NEXMIF: variants seen among roughly 807,000 people sequenced by gnomAD.
The protein encoded by NEXMIF is neurite extension and migration factor.
A neutral mutation model predicts 62.1 loss-of-function variants in NEXMIF; 8 were observed. That is an observed-to-expected ratio of 0.13 (90% CI 0.08 to 0.23). The LOEUF (loss-of-function observed/expected upper bound fraction) is 0.23, where lower values mean the gene tolerates loss of function less well. NEXMIF is among the 10% of genes least tolerant of loss of function. NEXMIF has a pLI of 1.00. For missense variants in NEXMIF, 976 were observed against 1,113.3 expected (o/e 0.88, Z 1.75); for synonymous variants, 404 against 416.6 (o/e 0.97, Z 0.37).
At chrX:74,799,689 G>A (rs750873536) in intron 1 of NEXMIF, among the ~76,000 whole-genome samples, 10 of 110,990 alleles carry the variant, frequency 9.0e-5, no homozygotes, top group East Asian at 5.7e-4. Context: ...GGAGTGCACC[G>A]GCACGATCAC....
chrX:74,871,307 G>T (rs1341280394), intron 1 of NEXMIF, among the ~76,000 whole-genome samples: 1 of 111,328 alleles, frequency 9.0e-6, no homozygotes, highest in Non-Finnish European at 1.9e-5. Context: ...GATTTTGAAA[G>T]GGGAGGGGGT....
At position 74,877,488 on chromosome X, in the gene NEXMIF, G is replaced by C. The variant is rs770057866; in HGVS notation, c.-48+47395C>G. On this transcript the variant is annotated intron_variant, in intron 1 of 3. Transcript: ENST00000055682. ...TGTGTCTTGGAGTTGCTCTTCTCGA[G>C]GAGTATCTCTGGGGCGTTCTCTGTA... Among the ~76,000 whole-genome samples the C allele has an allele frequency of 1.2e-3, 137 of 110,933 alleles. 2 individuals are homozygous for C. Among genetic ancestry groups the C allele is most frequent in the African/African-American group, 4.0e-3 (123 of 30,503 alleles).
intron 1 of NEXMIF, among the ~76,000 whole-genome samples, chrX:74,871,138 G>A (rs771780384): frequency 9.0e-6 from 1 of 111,641 alleles, no homozygotes; most frequent in Non-Finnish European, 1.9e-5. Context: ...TTTCAATGTA[G>A]GTTCTTTTCT....
At chrX:74,880,769 A>G (rs966276004) in intron 1 of NEXMIF, among the ~76,000 whole-genome samples, 1 of 112,182 alleles carries the variant, frequency 8.9e-6, no homozygotes, top group African/African-American at 3.2e-5. Flanking sequence ...ACAAAACTGC[A>G]AACACATACC....
chrX:74,758,341 A>G (rs1209814266), intron 1 of NEXMIF, among the ~76,000 whole-genome samples: 1 of 111,883 alleles, frequency 8.9e-6, no homozygotes, highest in Non-Finnish European at 1.9e-5. Flanking sequence ...ATAAACTTTG[A>G]TAAGTGATAT....
At chrX:74,872,604 G>A (rs1192031262) in intron 1 of NEXMIF, among the ~76,000 whole-genome samples, 3 of 108,765 alleles carry the variant, frequency 2.8e-5, no homozygotes, top group South Asian at 4.0e-4. Context: ...AGTAAATTAT[G>A]TTTTACTACA....
intron 1 of NEXMIF, among the ~76,000 whole-genome samples, chrX:74,801,986 G>T (rs1464916531): frequency 8.9e-6 from 1 of 112,167 alleles, no homozygotes; most frequent in Non-Finnish European, 1.9e-5. Flanking sequence ...CTGTGGAAAT[G>T]GGAGGGAAGA....
intron 1 of NEXMIF, among the ~76,000 whole-genome samples, chrX:74,881,658 T>C (rs1468181049): frequency 8.9e-6 from 1 of 112,364 alleles, no homozygotes; most frequent in Non-Finnish European, 1.9e-5. Context: ...CACTTGTGAC[T>C]AAAAATGTCT....
intron 1 of NEXMIF, among the ~76,000 whole-genome samples, chrX:74,828,810 G>A (rs2080426666): frequency 9.0e-6 from 1 of 111,558 alleles, no homozygotes; most frequent in Non-Finnish European, 1.9e-5. Flanking sequence ...TTTCACTACA[G>A]CCTCTGAAAT....
rs1434889701 is a variant in NEXMIF, at chrX:74,741,639, T to C, written c.2918A>G (p.Glu973Gly). 8.3e-7 allele frequency: 1 copy of C among 1,209,939 alleles called. No homozygotes were observed. The highest frequency in any genetic ancestry group is 1.7e-5 in the African/African-American group (1 of 57,241). ...SYQLCHFNNG[E>G]ICFPFQQGPV... The stretch of plus-strand genomic sequence containing the variant: ...CCCCTGCTGGAAAGGAAAGCAGATC[T>C]CTCCATTATTAAAGTGACATAATTG... The change falls in exon 3 of 4, where the codon GAG becomes GGG. Residue 973 changes from glutamate to glycine, a missense_variant. By Grantham distance (98) the Glu-to-Gly change is moderately conservative. Coordinates refer to ENST00000055682, the MANE Select transcript of NEXMIF (RefSeq NM_001008537.3).
chrX:74,870,045 A>T (rs1267008183), intron 1 of NEXMIF, among the ~76,000 whole-genome samples: 1 of 111,637 alleles, frequency 9.0e-6, no homozygotes, highest in Non-Finnish European at 1.9e-5. Context: ...ATCTGAAGGA[A>T]TCACATTATA....
At chrX:74,803,921 A>G (rs2080337667) in intron 1 of NEXMIF, among the ~76,000 whole-genome samples, 1 of 112,023 alleles carries the variant, frequency 8.9e-6, no homozygotes, top group Non-Finnish European at 1.9e-5. Flanking sequence ...GGAGTACTTC[A>G]ATCAGAAAGA....
intron 1 of NEXMIF, among the ~76,000 whole-genome samples, chrX:74,876,082 T>C (rs771049518): frequency 9.0e-6 from 1 of 111,154 alleles, no homozygotes; most frequent in East Asian, 2.8e-4. Flanking sequence ...TTTGTGATGT[T>C]AGGGTGTCAA....
intron 1 of NEXMIF, among the ~76,000 whole-genome samples, chrX:74,854,317 G>A (rs2080526436): frequency 8.9e-6 from 1 of 111,977 alleles, no homozygotes; most frequent in South Asian, 3.7e-4. Context: ...CAGAATGACG[G>A]ACAACAATAA....
chrX:74,797,613 TCTAA>T (rs754197842), intron 1 of NEXMIF, among the ~76,000 whole-genome samples: 1,131 of 112,122 alleles, frequency 0.01, 14 homozygotes, highest in African/African-American at 0.035. Flanking sequence ...GTAACCATTA[TCTAA>T]CTGTGTGACC....
chrX:74,855,365 G>A (rs566828672), intron 1 of NEXMIF, among the ~76,000 whole-genome samples: 2 of 112,179 alleles, frequency 1.8e-5, no homozygotes, highest in African/African-American at 6.5e-5. Flanking sequence ...TTCATATGTA[G>A]AAGAAGGAAA....
rs185270098 is a variant in NEXMIF at position 74,788,484 on chromosome X, A to C, written c.-47-42787T>G. Among the ~76,000 whole-genome samples, 381 of 111,239 alleles carry C rather than the reference A, an allele frequency of 3.4e-3. 2 individuals carry two copies. Among genetic ancestry groups the C allele is most frequent in the African/African-American group, 0.012 (364 of 30,661 alleles). ...ATGGGCAGGTATTATCCTTATTTTA[A>C]AGATGATGAATATGAGGCCAAGAGA... is the stretch of plus-strand genomic sequence containing the variant. On this transcript the variant is annotated intron_variant, in intron 1 of 3. Coordinates refer to ENST00000055682, the MANE Select transcript of NEXMIF (RefSeq NM_001008537.3).
At chrX:74,899,493 A>G (rs962405375) in intron 1 of NEXMIF, among the ~76,000 whole-genome samples, 3 of 112,299 alleles carry the variant, frequency 2.7e-5, no homozygotes, top group African/African-American at 9.7e-5. Flanking sequence ...CATCAAAAAC[A>G]ATAAAATAAG....
chrX:74,743,116 G>T lies in NEXMIF; in HGVS notation c.1441C>A (p.Arg481=), dbSNP rs886041701. The change falls in exon 3 of 4, where the codon CGA becomes AGA. Residue 481 remains arginine, a synonymous_variant. Coordinates refer to ENST00000055682, the MANE Select transcript of NEXMIF (RefSeq NM_001008537.3). The stretch of plus-strand genomic sequence containing the variant: ...CTGTATCTGACTTTTCTCTTGGCTC[G>T]CAGCCCATAGTTCTGTTGGGAGGAG... ...SSSSQQNYGL[R]AKRKVRYSED... is the part of the protein sequence containing the mutation. 5.8e-6 allele frequency: 7 copies of T among 1,210,232 alleles called. No homozygotes were observed. The highest frequency in any genetic ancestry group is 2.3e-4 in the Middle Eastern group (1 of 4,351).
Sources: gnomAD v4.1 joint callset for allele counts (sites outside exome capture counted in the v4.1 genomes callset) on GRCh38, gnomAD v4.1.1 for gene constraint, MANE v1.5 for transcripts, NCBI Gene and HGNC (gene_info 2026-07-23, HGNC 2026-07-21) for gene names.